Variants in WDR49 observed in about 807,000 individuals in gnomAD.
The protein encoded by WDR49 is cilia- and flagella-associated protein 337.
A neutral mutation model predicts 119.5 loss-of-function variants in WDR49; 107 were observed. The observed-to-expected ratio is 0.90, with a 90% CI of 0.77 to 1.05. The LOEUF is 1.05. WDR49 is among the 50% of genes least tolerant of loss of function. WDR49 has a pLI of 0.00. For synonymous variants in WDR49, 425 were observed against 418.8 expected, an observed-to-expected ratio of 1.01 and a Z score of -0.18; for missense variants, 1,240 against 1,220.5, an observed-to-expected ratio of 1.02 and a Z score of -0.24.
intron 7 of WDR49, among the ~76,000 whole-genome samples, chr3:167,595,935 C>G (rs1181757089): frequency 2.0e-5 from 3 of 147,780 alleles, no homozygotes; most frequent in Admixed American, 1.3e-4. Context: ...AACAGGCAAC[C>G]TACAAAATGG....
intron 2 of WDR49, among the ~76,000 whole-genome samples, chr3:167,628,595 T>A (rs749775849): frequency 6.6e-5 from 10 of 152,034 alleles, no homozygotes; most frequent in Non-Finnish European, 8.8e-5. Flanking sequence ...AACTTTCAGA[T>A]GAAAAGCTGA....
intron 7 of WDR49, among the ~76,000 whole-genome samples, chr3:167,584,658 T>C (rs1714715744): frequency 2.0e-5 from 3 of 152,038 alleles, no homozygotes; most frequent in South Asian, 4.1e-4. Context: ...CAGATGATGA[T>C]AACAATGGCA....
chr3:167,604,505 T>C (rs771931251), intron 5 of WDR49, 37 bp from the exon 6 acceptor site: 2 of 1,529,644 alleles, frequency 1.3e-6, no homozygotes, highest in Non-Finnish European at 8.8e-7. Context: ...CAATCTTTAG[T>C]TGATTCTTCA....
At chr3:167,589,346 A>G (rs889128591) in intron 7 of WDR49, among the ~76,000 whole-genome samples, 6 of 152,088 alleles carry the variant, frequency 3.9e-5, no homozygotes, top group African/African-American at 1.4e-4. Flanking sequence ...GTAGCTCCAT[A>G]GTATAATTTG....
At chr3:167,641,314 G>A (rs543124535) in intron 2 of WDR49, among the ~76,000 whole-genome samples, 1 of 151,934 alleles carries the variant, frequency 6.6e-6, no homozygotes, top group Non-Finnish European at 1.5e-5. Context: ...ACATTACACT[G>A]TGTTTCTCAG....
rs1333704297 is a variant in WDR49 at position 167,531,149 on chromosome 3, G to T, written c.2184C>A (p.Cys728Ter). 1.9e-6 allele frequency: 3 copies of T among 1,612,012 alleles called. No individual in the cohort carries two copies. The highest frequency in any genetic ancestry group is 1.3e-5 in the African/African-American group (1 of 74,758). The change falls in exon 13 of 19, where the codon TGC (cysteine) becomes TGA (stop). Residue 728 changes from cysteine to a stop codon, truncating the protein, a stop_gained. Coordinates refer to ENST00000682715, the MANE Select transcript of WDR49 (RefSeq NM_001366157.1). LOFTEE classifies it high-confidence loss of function. ...CAGTGTTTTTTCTTGCTTTAAGAAA[G>T]CAAAGTCTCATAACAGCATTTTTGC... is the stretch of plus-strand genomic sequence containing the variant. ...TEGKNAVMRL[C>*]FLKARKNTAV... is the part of the protein sequence containing the mutation.
chr3:167,542,362 C>A (rs1450818274), intron 10 of WDR49, among the ~76,000 whole-genome samples: 1 of 152,090 alleles, frequency 6.6e-6, no homozygotes. Context: ...ATGGAACATT[C>A]TCCAAGATAC....
intron 18 of WDR49, among the ~76,000 whole-genome samples, chr3:167,494,934 T>C (rs376565311): frequency 4.6e-5 from 7 of 152,190 alleles, no homozygotes; most frequent in African/African-American, 1.7e-4. Flanking sequence ...GGACTAAGCC[T>C]AACTAAATCT....
chr3:167,522,750 T>A (rs1261637881), intron 15 of WDR49, among the ~76,000 whole-genome samples: 4 of 152,224 alleles, frequency 2.6e-5, no homozygotes, highest in Non-Finnish European at 5.9e-5. Flanking sequence ...ACTACAAAAA[T>A]TTTTTTACCA....
intron 18 of WDR49, among the ~76,000 whole-genome samples, chr3:167,492,827 C>T (rs115968285): frequency 0.022 from 3,340 of 151,446 alleles, 74 homozygotes; most frequent in Non-Finnish European, 0.03. Flanking sequence ...CCCACCCCCA[C>T]CCCAAAAGAC....
At chr3:167,581,619 T>G (rs1032069129) in intron 7 of WDR49, among the ~76,000 whole-genome samples, 1 of 152,170 alleles carries the variant, frequency 6.6e-6, no homozygotes, top group Admixed American at 6.5e-5. Flanking sequence ...AGAATCACTA[T>G]TATTCACACA....
intron 18 of WDR49, among the ~76,000 whole-genome samples, chr3:167,488,484 G>C (rs1016255298): frequency 6.6e-6 from 1 of 151,910 alleles, no homozygotes; most frequent in South Asian, 2.1e-4. Flanking sequence ...TACCAAACCT[G>C]CACATGTGTT....
intron 2 of WDR49, 50 bp from the exon 3 acceptor site, chr3:167,627,342 T>C (rs754756625): frequency 2.7e-5 from 33 of 1,221,626 alleles, no homozygotes; most frequent in Non-Finnish European, 3.2e-5. Flanking sequence ...GAAATCATCA[T>C]ATGCATGAGA....
intron 10 of WDR49, among the ~76,000 whole-genome samples, chr3:167,551,606 T>C (rs7650514): frequency 0.28 from 42,599 of 151,892 alleles, 6,141 homozygotes; most frequent in South Asian, 0.32. Flanking sequence ...TCACCTTGGC[T>C]GAGCTACCCA....
intron 7 of WDR49, among the ~76,000 whole-genome samples, chr3:167,590,583 G>C (rs1315597109): frequency 3.3e-5 from 5 of 151,930 alleles, no homozygotes; most frequent in Non-Finnish European, 5.9e-5. Flanking sequence ...CTCATTACTT[G>C]TTATTAGTCT....
chr3:167,555,100 A>G (rs1337171676), intron 9 of WDR49, among the ~76,000 whole-genome samples: 1 of 152,152 alleles, frequency 6.6e-6, no homozygotes, highest in Non-Finnish European at 1.5e-5. Flanking sequence ...GCTGTTCTCA[A>G]GAAACGCCAA....
intron 7 of WDR49, among the ~76,000 whole-genome samples, chr3:167,601,053 A>G (rs1417511548): frequency 6.6e-6 from 1 of 152,202 alleles, no homozygotes; most frequent in Non-Finnish European, 1.5e-5. Context: ...GAGTCAGATC[A>G]GTCTGAAAAT....
Position 167,602,266 on chromosome 3 carries a change from C to A in WDR49, c.1136G>T (p.Gly379Val). The A allele has an allele frequency of 6.4e-7, 1 of 1,570,458 alleles. No individual in the cohort carries two copies. The highest frequency in any genetic ancestry group is 8.7e-7 in the Non-Finnish European group (1 of 1,151,382). The change falls in exon 7 of 19, where the codon GGC (glycine) becomes GTC (valine). Residue 379 changes from glycine to valine, a missense_variant. Physicochemically the swap from Gly to Val is moderately radical, Grantham distance 109. Coordinates refer to ENST00000682715, the MANE Select transcript of WDR49 (RefSeq NM_001366157.1). Reference sequence around the variant, plus strand: ...CCAAAGGCAAACTTTATTGTTAATGCCAGCAGTTGCTAATCAGAATTAGAA... The same window carrying A: ...CCAAAGGCAAACTTTATTGTTAATGACAGCAGTTGCTAATCAGAATTAGAA... ...HSRLNLIATA[G>V]INNKVCLWNP...
intron 3 of WDR49, among the ~76,000 whole-genome samples, chr3:167,622,059 A>G (rs1332596264): frequency 6.6e-6 from 1 of 152,144 alleles, no homozygotes; most frequent in Non-Finnish European, 1.5e-5. Flanking sequence ...AAGTAGCTTT[A>G]TCTGAAGTCA....
Sources: allele counts gnomAD v4.1 joint callset (sites outside exome capture counted in the v4.1 genomes callset), GRCh38; gene constraint gnomAD v4.1.1; transcripts MANE v1.5; gene names NCBI Gene and HGNC (gene_info 2026-07-23, HGNC 2026-07-21).